GPD1: variants seen among roughly 807,000 people sequenced by gnomAD.
The protein encoded by GPD1 is glycerol-3-phosphate dehydrogenase 1.
GPD1 carries 19 observed loss-of-function variants against 34.4 expected under a neutral mutation model. The observed-to-expected ratio is 0.55, with a 90% confidence interval of 0.39 to 0.81. The LOEUF is 0.81. GPD1 is among the 30% of genes least tolerant of loss of function. GPD1 has a pLI of 0.00. For missense variants in GPD1, 429 were observed against 447.0 expected, an observed-to-expected ratio of 0.96 and a Z score of 0.36; for synonymous variants, 172 against 174.1, an observed-to-expected ratio of 0.99 and a Z score of 0.09.
At chr12:50,107,331 C>T (rs1950986677) in intron 5 of GPD1, 1 of 682,130 alleles carries the variant, frequency 1.5e-6, no homozygotes, top group Non-Finnish European at 2.7e-6. Flanking sequence ...GGAAGATCAA[C>T]TAGAGAGAAG....
rs745766236 is a variant in GPD1, at chr12:50,107,580, T to TG, written c.631dup (p.Ala211GlyfsTer5). 1 of 1,613,918 alleles carries TG rather than the reference T, an allele frequency of 6.2e-7. No individual in the cohort carries two copies. The highest frequency in any genetic ancestry group is 8.5e-7 in the Non-Finnish European group (1 of 1,179,836). On this transcript the variant is annotated frameshift_variant, in exon 6 of 8. Coordinates refer to ENST00000301149, the MANE Select transcript of GPD1 (RefSeq NM_005276.4). LOFTEE classifies it high-confidence loss of function. The stretch of plus-strand genomic sequence containing the variant: ...CACTCCTTCAAGAATGTAGTGGCCG[T>TG]GGGGGCTGGCTTCTGTGATGGCCTG...
intron 4 of GPD1, 149 bp downstream of exon 4, chr12:50,106,575 G>A (rs1043574503): frequency 2.4e-6 from 2 of 825,124 alleles, no homozygotes; most frequent in Non-Finnish European, 3.8e-6. Context: ...ACACCCCCAG[G>A]GAAGGGGCTT....
intron 4 of GPD1, 34 bp from the exon 5 acceptor site, chr12:50,106,771 C>A: frequency 1.0e-5 from 12 of 1,185,786 alleles, no homozygotes; most frequent in Non-Finnish European, 1.5e-5. Context: ...AAAAAGAGTC[C>A]TTCCCTCAAA....
At chr12:50,106,985 C>A in intron 5 of GPD1, 68 bp downstream of exon 5, 1 of 928,844 alleles carries the variant, frequency 1.1e-6, no homozygotes, top group Non-Finnish European at 1.8e-6. Context: ...CTGAGCTCTG[C>A]AAGGCTGCAG....
rs757531526 is a variant in GPD1 at position 50,106,318 on chromosome 12, C to G, written c.391C>G (p.Leu131Val). 6 of 1,613,282 alleles carry G rather than the reference C, an allele frequency of 3.7e-6. No homozygotes were observed. The highest frequency in any genetic ancestry group is 5.1e-6 in the Non-Finnish European group (6 of 1,179,724). Residue 131 changes from leucine (L) to valine (V), a missense_variant, in exon 4 of 8, where the codon CTC (leucine) becomes GTC (valine). Coordinates refer to ENST00000301149, the MANE Select transcript of GPD1 (RefSeq NM_005276.4). ...AGACGAGGGCCCCAATGGGCTGAAG[C>G]TCATCTCGGAAGTGATTGGGGAGCG... Reference protein sequence around the residue: ...GVDEGPNGLKLISEVIGERLG... With the variant: ...GVDEGPNGLKVISEVIGERLG...
At chr12:50,105,298 GGA>G in intron 2 of GPD1, 1 of 547,220 alleles carries the variant, frequency 1.8e-6, no homozygotes, top group Non-Finnish European at 3.3e-6. Flanking sequence ...CCAAGGGATA[GGA>G]GAGTGCTGGG....
In GPD1 at chr12:50,104,055, C is replaced by A. The variant is rs1488062406; in HGVS notation, c.5C>A (p.Ala2Asp). 5 of 1,613,970 alleles carry A rather than the reference C, an allele frequency of 3.1e-6. No homozygotes were observed. Among genetic ancestry groups the A allele is most frequent in the Non-Finnish European group, 4.2e-6 (5 of 1,179,974 alleles). The stretch of plus-strand genomic sequence containing the variant: ...CTCAGGCAGAGACGCGGCACCATGG[C>A]TAGCAAGAAAGTCTGCATTGTAGGC... MASKKVCIVGSG... is the reference protein window; with the variant it reads MDSKKVCIVGSG... The change falls in exon 1 of 8, where the codon GCT (alanine) becomes GAT (aspartate). Residue 2 changes from alanine (A) to aspartate (D), a missense_variant. Transcript: ENST00000301149.
At chr12:50,107,000 T>G in intron 5 of GPD1, 83 bp downstream of exon 5, 1 of 808,404 alleles carries the variant, frequency 1.2e-6, no homozygotes, top group Non-Finnish European at 2.2e-6. Flanking sequence ...CTGCAGGTAC[T>G]CCAGGCTCTC....
Position 50,106,304 on chromosome 12 carries a change from C to G in GPD1, c.377C>G (p.Pro126Arg). ...TGTGCTCAGGGGGTAGACGAGGGCCCCAATGGGCTGAAGCTCATCTCGGAA... is the reference window on the plus strand; with the variant it reads ...TGTGCTCAGGGGGTAGACGAGGGCCGCAATGGGCTGAAGCTCATCTCGGAA... ...ISLIKGVDEG[P>R]NGLKLISEVI... The change falls in exon 4 of 8, where the codon CCC becomes CGC. Residue 126 changes from proline to arginine, a missense_variant. Physicochemically the swap from Pro to Arg is moderately radical, Grantham distance 103. Transcript: ENST00000301149. 6.2e-7 allele frequency: 1 copy of G among 1,612,102 alleles called. No homozygotes were observed. The highest frequency in any genetic ancestry group is 1.7e-4 in the Middle Eastern group (1 of 6,046).
At chr12:50,108,190 TTCA>T in intron 7 of GPD1, 60 bp downstream of exon 7, 1 of 913,094 alleles carries the variant, frequency 1.1e-6, no homozygotes, top group Non-Finnish European at 1.8e-6. Context: ...GCTCGCCCTG[TTCA>T]TCATCTTCCT....
chr12:50,107,012 C>T (rs1375441898), intron 5 of GPD1, 95 bp downstream of exon 5: 4 of 775,364 alleles, frequency 5.2e-6, no homozygotes, highest in Non-Finnish European at 6.9e-6. Flanking sequence ...CAGGCTCTCA[C>T]TATTGAGCAG....
chr12:50,104,478 C>T (rs1175626413), intron 1 of GPD1, 96 bp from the exon 2 acceptor site: 1 of 941,552 alleles, frequency 1.1e-6, no homozygotes, highest in South Asian at 1.3e-5. Flanking sequence ...AGTGAACAGC[C>T]TGGGGGGCTG....
At position 50,107,790 on chromosome 12, in the gene GPD1, G is replaced by A. The variant is rs775905186; in HGVS notation, c.836G>A (p.Arg279His). ...RNRKVAEAFA[R>H]TGKSIEQLEK... ...CGGAAAGTGGCTGAGGCCTTTGCGC[G>A]TACAGGAAAGGTGGGCCCCGGGAGA... The change falls in exon 6 of 8, where the codon CGT (arginine) becomes CAT (histidine). Residue 279 changes from arginine (R) to histidine (H), a missense_variant. Transcript: ENST00000301149. The A allele has an allele frequency of 7.0e-5, 113 of 1,610,146 alleles. No homozygotes were observed. The highest frequency in any genetic ancestry group is 3.3e-4 in the Middle Eastern group (2 of 6,070).
In GPD1 at chr12:50,106,995, G is replaced by C. The variant is rs774734361; in HGVS notation, c.612+78G>C. 19 of 832,184 alleles carry C rather than the reference G, an allele frequency of 2.3e-5. No homozygotes were observed. The South Asian group carries it at 2.6e-4, about 11-fold the overall frequency. The allele number at this position is 832,184 out of a possible 1,614,324, so 51.5% of individuals were successfully genotyped here. A position where few individuals can be genotyped will look rare whatever the true frequency, so the allele number is the denominator to read the frequency against. On this transcript the variant is annotated intron_variant, in intron 5 of 7. Coordinates refer to ENST00000301149, the MANE Select transcript of GPD1 (RefSeq NM_005276.4). The stretch of plus-strand genomic sequence containing the variant: ...TCTGGCTGAGCTCTGCAAGGCTGCA[G>C]GTACTCCAGGCTCTCACTATTGAGC...
Position 50,106,335 on chromosome 12 carries a change from T to C in GPD1, c.408T>C (p.Ile136=). Residue 136 remains isoleucine (I), a synonymous_variant, in exon 4 of 8, where the codon ATT becomes ATC. Coordinates refer to ENST00000301149, the MANE Select transcript of GPD1 (RefSeq NM_005276.4). ...GGCTGAAGCTCATCTCGGAAGTGAT[T>C]GGGGAGCGCCTCGGCATCCCCATGA... ...PNGLKLISEV[I]GERLGIPMSV... 6.2e-7 allele frequency: 1 copy of C among 1,613,608 alleles called. No individual in the cohort carries two copies. Among genetic ancestry groups the C allele is most frequent in the East Asian group, 2.2e-5 (1 of 44,864 alleles).
At position 50,105,639 on chromosome 12, in the gene GPD1, A is replaced by G. The variant is rs1381478832; in HGVS notation, c.311A>G (p.Gln104Arg). 1 of 1,614,198 alleles carries G rather than the reference A, an allele frequency of 6.2e-7. No homozygotes were observed. Residue 104 changes from glutamine to arginine, a missense_variant, in exon 3 of 8, where the codon CAG (glutamine) becomes CGG (arginine). By Grantham distance (43) the Gln-to-Arg change is conservative. Transcript: ENST00000301149. ...CAGTTCATCGGCAAGATCTGTGACC[A>G]GCTCAAGGGCCATCTGAAGGCAAAC... is the stretch of plus-strand genomic sequence containing the variant. ...PHQFIGKICD[Q>R]LKGHLKANAT... is the part of the protein sequence containing the mutation.
intron 1 of GPD1, chr12:50,104,325 C>T (rs1381235385): frequency 1.4e-5 from 10 of 703,232 alleles, no homozygotes; most frequent in South Asian, 7.5e-5. Flanking sequence ...TGTGAAGAGC[C>T]GCTTGAGTTT....
At chr12:50,108,955 T>G (rs1003674023) in intron 7 of GPD1, among the ~76,000 whole-genome samples, 3 of 151,798 alleles carry the variant, frequency 2.0e-5, no homozygotes. Flanking sequence ...ACCAACATGG[T>G]GAAACCCCAT....
rs777225450 is a variant in GPD1, at chr12:50,104,406, T to TG, written c.42-168_42-167insG. 3 of 719,460 alleles carry TG rather than the reference T, an allele frequency of 4.2e-6. No individual in the cohort carries two copies. The South Asian group carries it at 4.4e-5, about 11-fold the overall frequency. 44.6% of individuals were successfully genotyped at this position (719,460 alleles called of 1,614,324 possible). A position where few individuals can be genotyped will look rare whatever the true frequency, so the allele number is the denominator to read the frequency against. On this transcript the variant is annotated intron_variant, in intron 1 of 7. Transcript: ENST00000301149. ...GGGTGAGGAGACTGAGTCTCCTTTCTACTGCCAGGTCACTGGGGACTATTT... is the reference window on the plus strand; with the variant it reads ...GGGTGAGGAGACTGAGTCTCCTTTCTGACTGCCAGGTCACTGGGGACTATTT...
Sources: gnomAD v4.1 joint callset for allele counts (sites outside exome capture counted in the v4.1 genomes callset) on GRCh38, gnomAD v4.1.1 for gene constraint, MANE v1.5 for transcripts, NCBI Gene and HGNC (gene_info 2026-07-23, HGNC 2026-07-21) for gene names.